The following PKP2 variants were observed in gnomAD, a reference collection of about 807,000 sequenced individuals.
PKP2 encodes plakophilin 2.
A neutral mutation model predicts 83.4 loss-of-function variants in PKP2; 73 were observed. The observed-to-expected ratio is 0.88, with a 90% CI of 0.72 to 1.06. The LOEUF is 1.06. PKP2 is among the 50% of genes least tolerant of loss of function. The probability of loss-of-function intolerance (pLI) is 0.00; values close to 1 mark genes in which losing one functional copy is unlikely to be tolerated. For synonymous variants in PKP2, 409 were observed against 430.4 expected (o/e 0.95, Z 0.62); for missense variants, 966 against 1,065.4 (o/e 0.91, Z 1.30).
chr12:32,793,871 AGATGT>A, intron 11 of PKP2, among the ~76,000 whole-genome samples: 1 of 152,176 alleles, frequency 6.6e-6, no homozygotes, highest in South Asian at 2.1e-4. Flanking sequence ...CTGGGATTAC[AGATGT>A]GAGCCACTGT....
intron 3 of PKP2, among the ~76,000 whole-genome samples, chr12:32,869,990 C>T (rs1457302425): frequency 1.3e-5 from 2 of 152,210 alleles, no homozygotes; most frequent in Admixed American, 1.3e-4. Flanking sequence ...GGTCACACCA[C>T]TGCACTCCAC....
chr12:32,864,897 T>C (rs901870712), intron 4 of PKP2, among the ~76,000 whole-genome samples: 6 of 152,236 alleles, frequency 3.9e-5, no homozygotes, highest in African/African-American at 1.4e-4. Context: ...AATCAGATGA[T>C]GAGAAGTTGG....
At chr12:32,858,511 A>G (rs1956774323) in intron 4 of PKP2, among the ~76,000 whole-genome samples, 1 of 152,156 alleles carries the variant, frequency 6.6e-6, no homozygotes, top group African/African-American at 2.4e-5. Context: ...GAAATGCTCC[A>G]TAATTATACA....
intron 1 of PKP2, among the ~76,000 whole-genome samples, chr12:32,881,305 T>C (rs1043454886): frequency 2.0e-5 from 3 of 152,322 alleles, no homozygotes; most frequent in African/African-American, 7.2e-5. Context: ...ACCAGGCATC[T>C]CCTGTTTCCA....
At chr12:32,858,103 A>ATATATT (rs1555146110) in intron 4 of PKP2, among the ~76,000 whole-genome samples, 1,317 of 94,474 alleles carry the variant, frequency 0.014, 65 homozygotes, top group African/African-American at 0.062. Context: ...ATATATATAT[A>ATATATT]TATATATATA....
chr12:32,882,140 G>A (rs889381572), intron 1 of PKP2, among the ~76,000 whole-genome samples: 1 of 152,126 alleles, frequency 6.6e-6, no homozygotes, highest in Admixed American at 6.6e-5. Flanking sequence ...TTAGTTAGCT[G>A]ATACATAAGA....
intron 1 of PKP2, among the ~76,000 whole-genome samples, chr12:32,888,548 G>A (rs1338667708): frequency 6.6e-6 from 1 of 151,160 alleles, no homozygotes; most frequent in Non-Finnish European, 1.5e-5. Context: ...GGAGTGCAAT[G>A]GCACGATCTC....
chr12:32,814,797 C>T (rs1030067075), intron 9 of PKP2, among the ~76,000 whole-genome samples: 7 of 151,802 alleles, frequency 4.6e-5, no homozygotes, highest in Non-Finnish European at 7.4e-5. Context: ...TGGTGGTTGG[C>T]GCCTGTAATC....
At chr12:32,795,493 A>G (rs1415792623) in intron 11 of PKP2, among the ~76,000 whole-genome samples, 2 of 151,442 alleles carry the variant, frequency 1.3e-5, no homozygotes, top group East Asian at 3.9e-4. Context: ...TGATTCTCAA[A>G]CCTCAGTCTT....
chr12:32,895,328 C>A (rs1443393890), intron 1 of PKP2, among the ~76,000 whole-genome samples: 1 of 152,188 alleles, frequency 6.6e-6, no homozygotes, highest in African/African-American at 2.4e-5. Flanking sequence ...TTGACTACGT[C>A]ATCCTTTAGG....
rs150164227 is a variant in PKP2, at chr12:32,888,164, C to T, written c.223+8345G>A. Among the ~76,000 whole-genome samples the T allele has an allele frequency of 9.0e-3, 1,372 of 152,292 alleles. 1 individual carries two copies. The highest frequency in any genetic ancestry group is 0.026 in the South Asian group (125 of 4,824). ...CTCCAGCCTGGGCAACAGAGACAGA[C>T]GCTGTCTCATGAATGAATGAATGAA... On this transcript the variant is annotated intron_variant, in intron 1 of 12. Coordinates refer to ENST00000340811, the MANE Select transcript of PKP2 (RefSeq NM_001005242.3).
At chr12:32,883,358 G>A (rs985729864) in intron 1 of PKP2, among the ~76,000 whole-genome samples, 1 of 152,172 alleles carries the variant, frequency 6.6e-6, no homozygotes, top group Non-Finnish European at 1.5e-5. Context: ...TAATAGCTGT[G>A]TTCTAAGATT....
At chr12:32,816,635 C>T (rs1384334270) in intron 9 of PKP2, among the ~76,000 whole-genome samples, 1 of 152,146 alleles carries the variant, frequency 6.6e-6, no homozygotes, top group African/African-American at 2.4e-5. Flanking sequence ...AATGGTAGCT[C>T]TGTTTTAAGT....
At chr12:32,815,968 T>C (rs1243625609) in intron 9 of PKP2, among the ~76,000 whole-genome samples, 2 of 152,262 alleles carry the variant, frequency 1.3e-5, no homozygotes, top group Non-Finnish European at 2.9e-5. Flanking sequence ...TTTGTAAGTA[T>C]GTGAGAATGA....
At chr12:32,883,454 C>T (rs1957003160) in intron 1 of PKP2, among the ~76,000 whole-genome samples, 1 of 152,120 alleles carries the variant, frequency 6.6e-6, no homozygotes, top group Admixed American at 6.5e-5. Context: ...AAGTCATTTT[C>T]TGTTCAGAGA....
At chr12:32,890,419 A>G (rs1160766839) in intron 1 of PKP2, among the ~76,000 whole-genome samples, 1 of 152,234 alleles carries the variant, frequency 6.6e-6, no homozygotes, top group East Asian at 1.9e-4. Flanking sequence ...CAGAACTTTG[A>G]TTATGACTGC....
chr12:32,819,884 AACC>A (rs1490322669), intron 9 of PKP2, among the ~76,000 whole-genome samples: 1 of 30,140 alleles, frequency 3.3e-5, no homozygotes, highest in South Asian at 1.1e-3. Flanking sequence ...ACGCACACAC[AACC>A]CCCCCCCCCC....
Position 32,862,504 on chromosome 12 carries a change from G to T in PKP2, c.1170+6423C>A, listed in dbSNP as rs192732666. On this transcript the variant is annotated intron_variant, in intron 4 of 12. Transcript: ENST00000340811. ...TCTACTAAAAATACAAATTAGCCGG[G>T]CATGGTGGCGCATGCCTGTAATCCC... Among the ~76,000 whole-genome samples, 215 of 152,164 alleles carry T rather than the reference G, an allele frequency of 1.4e-3. 1 individual carries two copies. Among genetic ancestry groups the T allele is most frequent in the African/African-American group, 5.0e-3 (208 of 41,538 alleles).
chr12:32,796,531 C>T lies in PKP2; in HGVS notation c.2168-233G>A, dbSNP rs142067942. ...CCGAGTAGTTGGGACTACAGGCACC[C>T]GCCACCACGCCTGGCTAATTTTTTT... On this transcript the variant is annotated intron_variant, in intron 10 of 12. Coordinates refer to ENST00000340811, the MANE Select transcript of PKP2 (RefSeq NM_001005242.3). Among the ~76,000 whole-genome samples, 2,693 of 152,102 alleles carry T rather than the reference C, an allele frequency of 0.018. 24 individuals are homozygous for T. The highest frequency in any genetic ancestry group is 0.042 in the South Asian group (203 of 4,814).
Sources: gnomAD v4.1 joint callset for allele counts (sites outside exome capture counted in the v4.1 genomes callset) on GRCh38, gnomAD v4.1.1 for gene constraint, MANE v1.5 for transcripts, NCBI Gene and HGNC (gene_info 2026-07-23, HGNC 2026-07-21) for gene names.